The following TNK1 variants were observed in gnomAD, a reference collection of about 807,000 sequenced individuals.
TNK1 encodes tyrosine kinase non receptor 1.
Under a neutral mutation model 65.2 loss-of-function variants are expected in TNK1, and 53 were observed. The observed-to-expected ratio is 0.81, with a 90% CI of 0.65 to 1.02. The LOEUF (loss-of-function observed/expected upper bound fraction) is 1.02, where lower values mean the gene tolerates loss of function less well. Ranked by LOEUF, TNK1 falls within the 50% of genes least tolerant of loss-of-function variation. TNK1 has a pLI of 0.00. For synonymous variants in TNK1, 353 were observed against 364.6 expected, an observed-to-expected ratio of 0.97 and a Z score of 0.36; for missense variants, 837 against 878.4, an observed-to-expected ratio of 0.95 and a Z score of 0.60.
rs1282407526 is a variant in TNK1 at position 7,388,658 on chromosome 17, C to G, written c.1730C>G (p.Ser577Cys). 4.3e-6 allele frequency: 7 copies of G among 1,613,826 alleles called. No individual in the cohort carries two copies. The highest frequency in any genetic ancestry group is 5.9e-6 in the Non-Finnish European group (7 of 1,179,854). The change falls in exon 11 of 13, where the codon TCT becomes TGT. Residue 577 changes from serine to cysteine, a missense_variant. Coordinates refer to ENST00000688331, the MANE Select transcript of TNK1 (RefSeq NM_003985.6). This position sits in a 1 kb window ranked among gnomAD's most constrained non-coding sequence, Gnocchi z 4.5. ...GGAGCCCGTAAAGCCGCTGCCCTCT[C>G]TGGAGGCCTCTTGTCCGATCCTGAG... ...MPGARKAAAL[S>C]GGLLSDPELQ...
Position 7,384,653 on chromosome 17 carries a change from C to A in TNK1, c.1036C>A (p.Pro346Thr). The A allele has an allele frequency of 6.2e-7, 1 of 1,606,458 alleles. No homozygotes were observed. The highest frequency in any genetic ancestry group is 8.5e-7 in the Non-Finnish European group (1 of 1,177,050). ...LEDRARLPRP[P>T]LCSRALYSLA... is the part of the protein sequence containing the mutation. ...GGACAGAGCCCGGCTGCCTAGGCCT[C>A]CCCTCTGCTCCAGGGCCCTCTACTC... The change falls in exon 7 of 13, where the codon CCC becomes ACC. Residue 346 changes from proline to threonine, a missense_variant. By Grantham distance (38) the Pro-to-Thr change is conservative. Coordinates refer to ENST00000688331, the MANE Select transcript of TNK1 (RefSeq NM_003985.6).
rs1427395991 is a variant in TNK1 at position 7,387,129 on chromosome 17, G to T, written c.1372G>T (p.Asp458Tyr). Residue 458 changes from aspartate (D) to tyrosine (Y), a missense_variant, in exon 9 of 13, where the codon GAT becomes TAT. By Grantham distance (160) the Asp-to-Tyr change is radical (BLOSUM62 -3). Coordinates refer to ENST00000688331, the MANE Select transcript of TNK1 (RefSeq NM_003985.6). ...CCACAGAGGCACCCCTGCCCGGGGA[G>T]ATCAACACCCAGGAAGCATAGATGG... ...PVHRGTPARG[D>Y]QHPGSIDGDR... The T allele has an allele frequency of 6.3e-7, 1 of 1,598,410 alleles. No homozygotes were observed. Among genetic ancestry groups the T allele is most frequent in the Admixed American group, 1.7e-5 (1 of 57,964 alleles).
In TNK1 at chr17:7,383,857, T is replaced by G. The variant is rs1414494118; in HGVS notation, c.575T>G (p.Leu192Arg). ...RLHGLVLGQP[L>R]QMVMELAPLG... Reference sequence around the variant, plus strand: ...CACGGCCTTGTACTGGGCCAGCCTCTGCAGATGGTGAGCAGATCCAGCCGC... The same window carrying G: ...CACGGCCTTGTACTGGGCCAGCCTCGGCAGATGGTGAGCAGATCCAGCCGC... Residue 192 changes from leucine to arginine, a missense_variant, in exon 5 of 13, where the codon CTG becomes CGG. Leu to Arg is a moderately radical substitution (Grantham distance 102). Transcript: ENST00000688331. 3 of 1,608,930 alleles carry G rather than the reference T, an allele frequency of 1.9e-6. No individual in the cohort carries two copies. Among genetic ancestry groups the G allele is most frequent in the Non-Finnish European group, 2.5e-6 (3 of 1,177,816 alleles).
rs1302023319 is a variant in TNK1 at position 7,386,628 on chromosome 17, G to T, written c.1205G>T (p.Gly402Val). 1 of 1,599,748 alleles carries T rather than the reference G, an allele frequency of 6.3e-7. No homozygotes were observed. Among genetic ancestry groups the T allele is most frequent in the Non-Finnish European group, 8.5e-7 (1 of 1,173,224 alleles). Residue 402 changes from glycine (G) to valine (V), a missense_variant, in exon 8 of 13, where the codon GGT becomes GTT. By Grantham distance (109) the Gly-to-Val change is moderately radical. Transcript: ENST00000688331. ...CCAGGCGCCCTGAGGATGGAGACTGGTGACCCCATCACAGTCATCGAGGGC... is the reference window on the plus strand; with the variant it reads ...CCAGGCGCCCTGAGGATGGAGACTGTTGACCCCATCACAGTCATCGAGGGC... ...TEPGALRMET[G>V]DPITVIEGSP...
At chr17:7,381,993 C>T (rs752589338) in intron 1 of TNK1, among the ~76,000 whole-genome samples, 13 of 152,212 alleles carry the variant, frequency 8.5e-5, no homozygotes, top group Non-Finnish European at 1.6e-4. Context: ...ATCGGCCGGG[C>T]GCAGTGGCTC....
chr17:7,381,757 C>G (rs1304133560), intron 1 of TNK1, among the ~76,000 whole-genome samples: 1 of 152,212 alleles, frequency 6.6e-6, no homozygotes, highest in Non-Finnish European at 1.5e-5. Flanking sequence ...CCCCATAGCT[C>G]AGGTATGCTG....
At chr17:7,385,418 G>C (rs938302273) in intron 7 of TNK1, among the ~76,000 whole-genome samples, 3 of 151,980 alleles carry the variant, frequency 2.0e-5, no homozygotes, top group African/African-American at 4.8e-5. Context: ...GAGAGAGCAG[G>C]AGCTGTGTCA....
intron 6 of TNK1, 108 bp downstream of exon 6, chr17:7,384,361 AG>A (rs1337346564): frequency 9.8e-6 from 14 of 1,435,372 alleles, no homozygotes; most frequent in Non-Finnish European, 1.1e-5. Flanking sequence ...TTGGACCAGA[AG>A]GGTTATCCTC....
At position 7,388,475 on chromosome 17, in the gene TNK1, C is replaced by T; in HGVS notation, c.1547C>T (p.Pro516Leu). The change falls in exon 11 of 13, where the codon CCT (proline) becomes CTT (leucine). Residue 516 changes from proline (P) to leucine (L), a missense_variant. Pro to Leu is a moderately conservative substitution (Grantham distance 98). Coordinates refer to ENST00000688331, the MANE Select transcript of TNK1 (RefSeq NM_003985.6). The surrounding 1 kb of genome is among the most constrained non-coding windows in gnomAD (Gnocchi z 4.5). ...PRPTGGGSSP[P>L]EIRQARAVPQ... The stretch of plus-strand genomic sequence containing the variant: ...CCCACAGGGGGTGGTTCAAGCCCCC[C>T]TGAAATTCGACAAGCCAGAGCTGTG... The T allele has an allele frequency of 6.2e-7, 1 of 1,613,950 alleles. No individual in the cohort carries two copies. The highest frequency in any genetic ancestry group is 8.5e-7 in the Non-Finnish European group (1 of 1,179,862).
chr17:7,380,155 G>C (rs890369693), upstream of TNK1, among the ~76,000 whole-genome samples: 2 of 152,296 alleles, frequency 1.3e-5, no homozygotes, highest in East Asian at 3.9e-4. Flanking sequence ...CCCGAGGCTG[G>C]GAAACGTGGA....
chr17:7,387,340 A>T (rs1905236526), intron 9 of TNK1, 38 bp from the exon 10 acceptor site: 1 of 1,575,954 alleles, frequency 6.3e-7, no homozygotes. Context: ...GGGTGGGGAG[A>T]GTTGGTGTGG....
At position 7,386,566 on chromosome 17, in the gene TNK1, G is replaced by C. The variant is rs146079115; in HGVS notation, c.1143G>C (p.Gly381=). Reference sequence around the variant, plus strand: ...CTTTCCTCTTGTCTCCACAGGCCGGGCCTTCGGAAGCATGTTGTGTGAGGG... The same window carrying C: ...CTTTCCTCTTGTCTCCACAGGCCGGCCCTTCGGAAGCATGTTGTGTGAGGG... ...SHLEGLLQEA[G]PSEACCVRDV... is the part of the protein sequence containing the mutation. Residue 381 remains glycine (G), a synonymous_variant, in exon 8 of 13, where the codon GGG becomes GGC. Coordinates refer to ENST00000688331, the MANE Select transcript of TNK1 (RefSeq NM_003985.6). The C allele has an allele frequency of 2.7e-5, 43 of 1,600,496 alleles. No homozygotes were observed. In the Middle Eastern group the frequency reaches 8.3e-4, roughly 31 times the overall value.
intron 1 of TNK1, 37 bp downstream of exon 1, chr17:7,381,151 G>A (rs772454496): frequency 6.6e-6 from 1 of 152,462 alleles, no homozygotes; most frequent in Non-Finnish European, 1.5e-5. Context: ...CCGGGCTGGG[G>A]AGAGCCGGCG....
Position 7,384,490 on chromosome 17 carries a change from C to T in TNK1, c.873C>T (p.Ala291=), listed in dbSNP as rs1905058367. ...GPRPIPYAWC[A]PESLRHGAFS... is the part of the protein sequence containing the mutation. ...GCTCCACTTCCTTCGGCAGGTGTGCCCCAGAGAGCCTGCGCCACGGAGCCT... is the reference window on the plus strand; with the variant it reads ...GCTCCACTTCCTTCGGCAGGTGTGCTCCAGAGAGCCTGCGCCACGGAGCCT... Residue 291 remains alanine (A), a synonymous_variant, in exon 7 of 13, where the codon GCC becomes GCT. Coordinates refer to ENST00000688331, the MANE Select transcript of TNK1 (RefSeq NM_003985.6). The T allele has an allele frequency of 6.4e-7, 1 of 1,556,036 alleles. No homozygotes were observed. Among genetic ancestry groups the T allele is most frequent in the Non-Finnish European group, 8.7e-7 (1 of 1,146,830 alleles).
rs779380118 is a variant in TNK1 at position 7,386,563 on chromosome 17, C to T, written c.1140C>T (p.Ala380=). Residue 380 remains alanine (A), a splice_region_variant and synonymous_variant, in exon 8 of 13, where the codon GCC becomes GCT. Coordinates refer to ENST00000688331, the MANE Select transcript of TNK1 (RefSeq NM_003985.6). ...FSHLEGLLQE[A]GPSEACCVRD... ...ACCCTTTCCTCTTGTCTCCACAGGC[C>T]GGGCCTTCGGAAGCATGTTGTGTGA... The T allele has an allele frequency of 1.4e-5, 22 of 1,599,190 alleles. No homozygotes were observed. Among genetic ancestry groups the T allele is most frequent in the Middle Eastern group, 1.6e-4 (1 of 6,072 alleles).
In TNK1 at chr17:7,383,270, G is replaced by A; in HGVS notation, c.184G>A (p.Ala62Thr). Reference protein sequence around the residue: ...GRPAQRRLSEALKRLRSGPKS... With the variant: ...GRPAQRRLSETLKRLRSGPKS... ...CACAGCCCAGCGCAGACTGTCCGAA[G>A]CTCTGAAAAGGCTACGTTCTGGGCC... Residue 62 changes from alanine to threonine, a missense_variant, in exon 3 of 13, where the codon GCT becomes ACT. By Grantham distance (58) the Ala-to-Thr change is moderately conservative (BLOSUM62 0). Coordinates refer to ENST00000688331, the MANE Select transcript of TNK1 (RefSeq NM_003985.6). The A allele has an allele frequency of 6.2e-7, 1 of 1,614,018 alleles. No homozygotes were observed.
chr17:7,381,824 A>G (rs1214148934), intron 1 of TNK1, among the ~76,000 whole-genome samples: 1 of 152,180 alleles, frequency 6.6e-6, no homozygotes, highest in Non-Finnish European at 1.5e-5. Context: ...TTTGTGTCTT[A>G]GCCGTGTGGG....
chr17:7,383,637 C>G (rs992723431), intron 4 of TNK1, 21 bp downstream of exon 4: 2 of 1,595,096 alleles, frequency 1.3e-6, no homozygotes, highest in Admixed American at 3.4e-5. Flanking sequence ...AGGGAGCCCG[C>G]TTCATCCAGG....
chr17:7,384,730 C>G lies in TNK1; in HGVS notation c.1113C>G (p.Ser371=). 1 of 1,583,486 alleles carries G rather than the reference C, an allele frequency of 6.3e-7. No individual in the cohort carries two copies. The highest frequency in any genetic ancestry group is 8.6e-7 in the Non-Finnish European group (1 of 1,169,532). Residue 371 remains serine (S), a synonymous_variant, in exon 7 of 13, where the codon TCC becomes TCG. Transcript: ENST00000688331. ...ACCCTGCCGACCGGCCTAGCTTTTCCCACCTGGAGGGGCTGCTGCAAGAGG... is the reference window on the plus strand; with the variant it reads ...ACCCTGCCGACCGGCCTAGCTTTTCGCACCTGGAGGGGCTGCTGCAAGAGG... ...APHPADRPSF[S]HLEGLLQEAG...
Sources: allele counts gnomAD v4.1 joint callset (sites outside exome capture counted in the v4.1 genomes callset), GRCh38; gene constraint gnomAD v4.1.1; non-coding constraint Gnocchi (gnomAD v3.1); transcripts MANE v1.5; gene names NCBI Gene and HGNC (gene_info 2026-07-23, HGNC 2026-07-21).